TENM3: variants seen among roughly 807,000 people sequenced by gnomAD.
TENM3 encodes teneurin transmembrane protein 3, also known as teneurin-3.
In TENM3, 63 loss-of-function variants were observed where a neutral mutation model predicts 255.1. That is an observed-to-expected ratio of 0.25 (90% confidence interval 0.20 to 0.30). The LOEUF (loss-of-function observed/expected upper bound fraction) is 0.30. Ranked by LOEUF, TENM3 falls within the 10% of genes least tolerant of loss-of-function variation. The pLI, the probability that TENM3 is intolerant of heterozygous loss-of-function variation, is 1.00. For missense variants in TENM3, 2,929 were observed against 3,461.1 expected (o/e 0.85, Z 3.86); for synonymous variants, 1,306 against 1,322.3 (o/e 0.99, Z 0.27).
the TENM3 span, among the ~76,000 whole-genome samples, chr4:181,795,396 G>A: frequency 2.0e-5 from 3 of 151,960 alleles, no homozygotes; most frequent in East Asian, 1.9e-4. Flanking sequence ...CACTAATCCT[G>A]TTCACAAGGG....
intron 1 of TENM3, among the ~76,000 whole-genome samples, chr4:182,243,952 T>C (rs981959630): frequency 8.9e-5 from 12 of 135,510 alleles, no homozygotes; most frequent in African/African-American, 3.4e-4. Flanking sequence ...TTTTCTTTTT[T>C]TTTTTTTTTT....
Position 182,263,212 on chromosome 4 carries a change from A to G in TENM3, c.-76+19736A>G, listed in dbSNP as rs1438901756. ...ATAACGTCTTGCGAACCACAAAGAG[A>G]AGACCCCCGACCCAAAGGAAATAGA... On this transcript the variant is annotated intron_variant, in intron 1 of 27. Transcript: ENST00000511685. Among the ~76,000 whole-genome samples the G allele has an allele frequency of 3.3e-5, 5 of 152,128 alleles. No homozygotes were observed. The East Asian group carries it at 9.8e-4, about 30-fold the overall frequency.
chr4:182,728,427 T>C (rs1314417880), intron 13 of TENM3, among the ~76,000 whole-genome samples: 1 of 152,226 alleles, frequency 6.6e-6, no homozygotes, highest in African/African-American at 2.4e-5. Flanking sequence ...TATTTCTTAC[T>C]CAGAACAAAC....
At chr4:182,447,813 C>T (rs2151294242) in intron 3 of TENM3, among the ~76,000 whole-genome samples, 1 of 152,062 alleles carries the variant, frequency 6.6e-6, no homozygotes, top group South Asian at 2.1e-4. Context: ...TAAAAATTCA[C>T]GAACATTCAG....
the TENM3 span, among the ~76,000 whole-genome samples, chr4:181,455,126 C>T: frequency 6.6e-6 from 1 of 151,978 alleles, no homozygotes; most frequent in African/African-American, 2.4e-5. Flanking sequence ...TAAGATGGTA[C>T]AAAAAGAGAA....
At chr4:181,522,982 T>A in the TENM3 span, 1 of 662,616 alleles carries the variant, frequency 1.5e-6, no homozygotes, top group South Asian at 1.4e-5. Context: ...ATGGGTAGGA[T>A]GCATAGGGAA....
intron 5 of TENM3, among the ~76,000 whole-genome samples, chr4:182,637,601 G>A (rs1356538176): frequency 6.6e-6 from 1 of 152,160 alleles, no homozygotes; most frequent in Non-Finnish European, 1.5e-5. Context: ...TATAACACCT[G>A]TCAGAAAAGG....
At chr4:182,275,085 A>G (rs1759909992) in intron 1 of TENM3, among the ~76,000 whole-genome samples, 1 of 152,176 alleles carries the variant, frequency 6.6e-6, no homozygotes, top group Non-Finnish European at 1.5e-5. Flanking sequence ...TTGGCCTCCC[A>G]GCGTGCTGGG....
chr4:182,470,274 G>C (rs1323808240), intron 3 of TENM3, among the ~76,000 whole-genome samples: 1 of 152,188 alleles, frequency 6.6e-6, no homozygotes, highest in African/African-American at 2.4e-5. Context: ...CCTAATTTAT[G>C]TAAACCTGTA....
chr4:181,453,663 G>A, the TENM3 span, among the ~76,000 whole-genome samples: 3 of 152,144 alleles, frequency 2.0e-5, no homozygotes, highest in Non-Finnish European at 4.4e-5. Flanking sequence ...TGGACCGAAG[G>A]TGGACCAGCA....
At chr4:181,945,467 T>C in the TENM3 span, among the ~76,000 whole-genome samples, 10 of 152,240 alleles carry the variant, frequency 6.6e-5, no homozygotes, top group South Asian at 2.1e-3. Context: ...ACATTGTGAA[T>C]TGGCCTAAGG....
chr4:181,857,282 T>C, the TENM3 span, among the ~76,000 whole-genome samples: 1 of 151,234 alleles, frequency 6.6e-6, no homozygotes, highest in Non-Finnish European at 1.5e-5. Context: ...GGCAGAGGTT[T>C]TGGTTGGGTG....
intron 3 of TENM3, among the ~76,000 whole-genome samples, chr4:182,355,911 T>TTTTA (rs1554054338): frequency 4.1e-5 from 6 of 147,954 alleles, no homozygotes; most frequent in African/African-American, 1.5e-4. Context: ...TATATATATA[T>TTTTA]TATATATATA....
chr4:181,595,444 A>AAAAAAAAACC, the TENM3 span, among the ~76,000 whole-genome samples: 13 of 129,530 alleles, frequency 1.0e-4, no homozygotes, highest in Non-Finnish European at 1.8e-4. Flanking sequence ...AAAAAAAAAA[A>AAAAAAAAACC]AAAAAAAAAA....
the TENM3 span, among the ~76,000 whole-genome samples, chr4:181,564,327 G>A: frequency 3.3e-5 from 5 of 152,218 alleles, no homozygotes; most frequent in South Asian, 2.1e-4. Flanking sequence ...CTAAACACAC[G>A]ACTAACTTAT....
At chr4:182,260,649 G>T (rs1231934409) in intron 1 of TENM3, among the ~76,000 whole-genome samples, 1 of 152,150 alleles carries the variant, frequency 6.6e-6, no homozygotes, top group African/African-American at 2.4e-5. Context: ...GATTTTTCAA[G>T]TAAAGGTTGT....
the TENM3 span, among the ~76,000 whole-genome samples, chr4:182,020,437 G>A: frequency 3.9e-5 from 6 of 151,994 alleles, no homozygotes; most frequent in Non-Finnish European, 8.8e-5. Context: ...TTGGTTAAAG[G>A]ATAAAAAAGT....
chr4:182,656,828 C>A (rs966865602), intron 6 of TENM3, among the ~76,000 whole-genome samples: 2 of 152,136 alleles, frequency 1.3e-5, no homozygotes, highest in African/African-American at 4.8e-5. Flanking sequence ...TAACAGTGAG[C>A]CAAAGCTTCT....
the TENM3 span, among the ~76,000 whole-genome samples, chr4:182,098,059 TG>T: frequency 6.6e-6 from 1 of 151,686 alleles, no homozygotes; most frequent in Non-Finnish European, 1.5e-5. Flanking sequence ...GACAAACAAA[TG>T]GCCAACAGGT....
Sources: gnomAD v4.1 joint callset for allele counts (sites outside exome capture counted in the v4.1 genomes callset) on GRCh38, gnomAD v4.1.1 for gene constraint, MANE v1.5 for transcripts, NCBI Gene and HGNC (gene_info 2026-07-23, HGNC 2026-07-21) for gene names.